Variants in CREBZF observed in about 807,000 individuals in gnomAD.
The protein encoded by CREBZF is CREB/ATF bZIP transcription factor, also known as HCF-binding transcription factor Zhangfei.
Under a neutral mutation model 21.1 loss-of-function variants are expected in CREBZF, and 8 were observed. That is an observed-to-expected ratio of 0.38 (90% CI 0.22 to 0.68). CREBZF has a LOEUF of 0.68. CREBZF is among the 30% of genes least tolerant of loss of function. The probability of loss-of-function intolerance (pLI) is 0.51; values close to 1 mark genes in which losing one functional copy is unlikely to be tolerated. For missense variants in CREBZF, 518 were observed against 484.3 expected (o/e 1.07, Z -0.65); for synonymous variants, 270 against 223.3 (o/e 1.21, Z -1.86).
upstream of CREBZF, among the ~76,000 whole-genome samples, chr11:85,666,713 G>A (rs376628703): frequency 6.4e-4 from 97 of 152,300 alleles, 1 homozygote; most frequent in South Asian, 0.019. Context: ...GTACTGCATA[G>A]GCTTCAACAA....
rs2082623836 is a variant in CREBZF at position 85,659,821 on chromosome 11, C to G, written c.*3990G>C. The G allele has an allele frequency of 6.6e-6, 1 of 151,936 alleles. No homozygotes were observed. Among genetic ancestry groups the G allele is most frequent in the Non-Finnish European group, 1.5e-5 (1 of 67,914 alleles). The allele number at this position is 151,936 out of a possible 1,614,324, so 9.4% of individuals were successfully genotyped here. A position where few individuals can be genotyped will look rare whatever the true frequency, so the allele number is the denominator to read the frequency against. On this transcript the variant is annotated 3_prime_UTR_variant, in exon 1 of 1. Coordinates refer to ENST00000527447, the MANE Select transcript of CREBZF (RefSeq NM_001039618.4). ...ACAATACTAAAGTCCTTATACAACACTAGATAAATTTTTATATAAAACAGT... is the reference window on the plus strand; with the variant it reads ...ACAATACTAAAGTCCTTATACAACAGTAGATAAATTTTTATATAAAACAGT...
At chr11:85,665,917 C>A (rs1209734072), upstream of CREBZF, among the ~76,000 whole-genome samples, 1 of 152,172 alleles carries the variant, frequency 6.6e-6, no homozygotes, top group East Asian at 1.9e-4. Flanking sequence ...TGCACAAAGA[C>A]CATCACGACC....
chr11:85,676,605 T>C (rs542769574), intron 1 of CREBZF, among the ~76,000 whole-genome samples: 38 of 152,154 alleles, frequency 2.5e-4, no homozygotes, highest in African/African-American at 8.9e-4. Context: ...TCCCTATACA[T>C]GGCAGTGTAC....
intron 1 of CREBZF, among the ~76,000 whole-genome samples, chr11:85,671,725 T>C (rs1171920164): frequency 6.6e-6 from 1 of 152,246 alleles, no homozygotes; most frequent in East Asian, 1.9e-4. Context: ...CAAGTCACAT[T>C]GACATAAGAG....
In CREBZF at chr11:85,662,225, C is replaced by G; in HGVS notation, c.*1586G>C. ...CAAAACATTTACAGTTGTGCAAGAA[C>G]AAGGATTCCATTTTCATAACCAAAT... On this transcript the variant is annotated 3_prime_UTR_variant, in exon 1 of 1. Coordinates refer to ENST00000527447, the MANE Select transcript of CREBZF (RefSeq NM_001039618.4). 1 of 582,338 alleles carries G rather than the reference C, an allele frequency of 1.7e-6. No individual in the cohort carries two copies. Among genetic ancestry groups the G allele is most frequent in the Non-Finnish European group, 3.2e-6 (1 of 316,758 alleles). The allele number at this position is 582,338 out of a possible 1,614,324, so 36.1% of individuals were successfully genotyped here. A position where few individuals can be genotyped will look rare whatever the true frequency, so the allele number is the denominator to read the frequency against.
Position 85,664,285 on chromosome 11 carries a change from GCCGCCA to G in CREBZF, c.585_590del (p.Gly196_Gly197del), listed in dbSNP as rs1399713668. ...CCGCCTGGTTGTTGTCGTTACCGCT[GCCGCCA>G]CCGCCGCCTCCTCCTGGGGACTTTC... On this transcript the variant is annotated inframe_deletion, in exon 1 of 1. Coordinates refer to ENST00000527447, the MANE Select transcript of CREBZF (RefSeq NM_001039618.4). The surrounding 1 kb of genome is among the most constrained non-coding windows in gnomAD (Gnocchi z 5.5). The G allele has an allele frequency of 1.2e-6, 2 of 1,612,084 alleles. No individual in the cohort carries two copies. The highest frequency in any genetic ancestry group is 1.7e-6 in the Non-Finnish European group (2 of 1,179,584).
rs2082738396 is a variant in CREBZF at position 85,663,240 on chromosome 11, T to C, written c.*571A>G. 2.2e-6 allele frequency: 1 copy of C among 459,348 alleles called. No homozygotes were observed. Among genetic ancestry groups the C allele is most frequent in the African/African-American group, 2.0e-5 (1 of 50,872 alleles). The allele number at this position is 459,348 out of a possible 1,614,324, so 28.5% of individuals were successfully genotyped here. ...GGTTTCAGTGTACAGTTGGAACCGA[T>C]GTCATCCAAGGCCATGTCCACACTG... On this transcript the variant is annotated 3_prime_UTR_variant, in exon 1 of 1. Transcript: ENST00000527447.
chr11:85,675,671 T>C (rs2082937655), intron 1 of CREBZF, among the ~76,000 whole-genome samples: 1 of 152,072 alleles, frequency 6.6e-6, no homozygotes, highest in South Asian at 2.1e-4. Flanking sequence ...CATGCTCAAC[T>C]TATGGTTGCC....
chr11:85,671,226 T>G (rs555107351), intron 1 of CREBZF, among the ~76,000 whole-genome samples: 6 of 152,310 alleles, frequency 3.9e-5, no homozygotes, highest in East Asian at 1.9e-4. Context: ...TCAGACCTCA[T>G]GAGACTTATT....
At position 85,661,799 on chromosome 11, in the gene CREBZF, T is replaced by C. The variant is rs1005981217; in HGVS notation, c.*2012A>G. On this transcript the variant is annotated 3_prime_UTR_variant, in exon 1 of 1. Coordinates refer to ENST00000527447, the MANE Select transcript of CREBZF (RefSeq NM_001039618.4). ...TATTATGACACCATATTTTTGTCAT[T>C]GGTACTGCACAAAATTATATACAAA... The C allele has an allele frequency of 1.3e-5, 2 of 152,486 alleles. No individual in the cohort carries two copies. The highest frequency in any genetic ancestry group is 4.8e-5 in the African/African-American group (2 of 41,418). The allele number at this position is 152,486 out of a possible 1,614,324, so 9.4% of individuals were successfully genotyped here.
Position 85,665,025 on chromosome 11 carries a change from T to A in CREBZF, c.-150A>T. ...CGAGTCGCCTCCCGCCTCACTTGGC[T>A]AGTCGACCCCCCGCGCCAAGGCGCG... On this transcript the variant is annotated 5_prime_UTR_variant, in exon 1 of 1. Transcript: ENST00000527447. 2.0e-6 allele frequency: 1 copy of A among 501,172 alleles called. No homozygotes were observed. Among genetic ancestry groups the A allele is most frequent in the Non-Finnish European group, 3.3e-6 (1 of 304,054 alleles). 31.0% of individuals were successfully genotyped at this position (501,172 alleles called of 1,614,324 possible).
At chr11:85,676,012 G>A (rs955377256) in intron 1 of CREBZF, among the ~76,000 whole-genome samples, 8 of 152,162 alleles carry the variant, frequency 5.3e-5, no homozygotes, top group Non-Finnish European at 1.0e-4. Flanking sequence ...TCAAGAAAGC[G>A]TTTCTGAACG....
intron 1 of CREBZF, among the ~76,000 whole-genome samples, chr11:85,681,515 A>C (rs2082976402): frequency 1.3e-5 from 2 of 152,094 alleles, no homozygotes; most frequent in Non-Finnish European, 2.9e-5. Context: ...CTCTTTCATA[A>C]TTTTTTGGAA....
chr11:85,678,736 A>G (rs1014137423), intron 1 of CREBZF, among the ~76,000 whole-genome samples: 14 of 152,324 alleles, frequency 9.2e-5, no homozygotes, highest in African/African-American at 3.1e-4. Flanking sequence ...TCATCCTTAT[A>G]TCTCTTCCTT....
Position 85,663,685 on chromosome 11 carries a change from G to T in CREBZF, c.*126C>A. 4 of 1,610,024 alleles carry T rather than the reference G, an allele frequency of 2.5e-6. No individual in the cohort carries two copies. Among genetic ancestry groups the T allele is most frequent in the Non-Finnish European group, 2.5e-6 (3 of 1,178,320 alleles). ...TCATGCTTTTAGCTAAACACTTTAAGATTCAATATTACTTTTTTTCTCTCC... is the reference window on the plus strand; with the variant it reads ...TCATGCTTTTAGCTAAACACTTTAATATTCAATATTACTTTTTTTCTCTCC... On this transcript the variant is annotated 3_prime_UTR_variant, in exon 1 of 1. Transcript: ENST00000527447.
At chr11:85,681,538 C>T (rs900168252) in intron 1 of CREBZF, among the ~76,000 whole-genome samples, 10 of 152,130 alleles carry the variant, frequency 6.6e-5, no homozygotes, top group African/African-American at 2.4e-4. Flanking sequence ...AGACAAGTTC[C>T]TTAGGGCACC....
chr11:85,664,280 C>T lies in CREBZF; in HGVS notation c.596G>A (p.Gly199Asp). 1 of 1,612,546 alleles carries T rather than the reference C, an allele frequency of 6.2e-7. No homozygotes were observed. Among genetic ancestry groups the T allele is most frequent in the Middle Eastern group, 1.6e-4 (1 of 6,062 alleles). The change falls in exon 1 of 1, where the codon GGT becomes GAT. Residue 199 changes from glycine to aspartate, a missense_variant. Around this residue, in one of 3 missense-constraint regions of CREBZF, gnomAD observed 396 missense variants for 324.4 expected, o/e 1.22. Coordinates refer to ENST00000527447, the MANE Select transcript of CREBZF (RefSeq NM_001039618.4). This position sits in a 1 kb window ranked among gnomAD's most constrained non-coding sequence, Gnocchi z 5.5. The part of the protein sequence containing the change: ...SPGGGGGGGS[G>D]NDNNQAATKS... ...TGTCGCCGCCTGGTTGTTGTCGTTACCGCTGCCGCCACCGCCGCCTCCTCC... is the reference window on the plus strand; with the variant it reads ...TGTCGCCGCCTGGTTGTTGTCGTTATCGCTGCCGCCACCGCCGCCTCCTCC...
intron 1 of CREBZF, among the ~76,000 whole-genome samples, chr11:85,678,064 A>G (rs1479693436): frequency 3.3e-5 from 5 of 152,086 alleles, no homozygotes. Context: ...GTTTCACTCA[A>G]TTGTGGTTAT....
At chr11:85,670,964 A>T (rs2082907748) in intron 1 of CREBZF, among the ~76,000 whole-genome samples, 1 of 152,252 alleles carries the variant, frequency 6.6e-6, no homozygotes, top group East Asian at 1.9e-4. Context: ...ATACAGAGAC[A>T]ATCACAAAGG....
Sources: allele counts gnomAD v4.1 joint callset (sites outside exome capture counted in the v4.1 genomes callset), GRCh38; gene constraint gnomAD v4.1.1; regional missense constraint gnomAD v4.1.1; non-coding constraint Gnocchi (gnomAD v3.1); transcripts MANE v1.5; gene names NCBI Gene and HGNC (gene_info 2026-07-23, HGNC 2026-07-21).